Variants in C12orf56 observed in about 807,000 individuals in gnomAD.
C12orf56 encodes the protein uncharacterized protein C12orf56.
Under a neutral mutation model 69.9 loss-of-function variants are expected in C12orf56, and 71 were observed. The observed-to-expected ratio is 1.02, with a 90% CI of 0.84 to 1.24. C12orf56 has a LOEUF of 1.24. C12orf56 is among the 50% of genes most tolerant of loss of function. C12orf56 has a pLI of 0.00. For synonymous variants in C12orf56, 276 were observed against 274.1 expected, an observed-to-expected ratio of 1.01 and a Z score of -0.07; for missense variants, 732 against 738.5, an observed-to-expected ratio of 0.99 and a Z score of 0.10.
At chr12:64,379,866 A>G (rs1407851096) in intron 1 of C12orf56, among the ~76,000 whole-genome samples, 5 of 149,594 alleles carry the variant, frequency 3.3e-5, no homozygotes, top group East Asian at 4.1e-4. Context: ...GGCGGATCAC[A>G]AGGTCAGGAG....
intron 4 of C12orf56, among the ~76,000 whole-genome samples, chr12:64,313,272 AAAAAAGAAAG>A (rs199740360): frequency 3.5e-4 from 46 of 130,348 alleles, no homozygotes; most frequent in East Asian, 5.3e-4. Flanking sequence ...AAAAAAAAAA[AAAAAAGAAAG>A]AAAGAAAGAA....
chr12:64,268,697 A>C (rs945210837), intron 12 of C12orf56, among the ~76,000 whole-genome samples: 1 of 152,174 alleles, frequency 6.6e-6, no homozygotes, highest in African/African-American at 2.4e-5. Flanking sequence ...GGTAAATTTC[A>C]TACTATGTGA....
chr12:64,314,363 G>T (rs1483159247), intron 4 of C12orf56, among the ~76,000 whole-genome samples: 1 of 152,026 alleles, frequency 6.6e-6, no homozygotes, highest in Non-Finnish European at 1.5e-5. Context: ...AAAGTGCTAG[G>T]ATTACAGGCA....
intron 4 of C12orf56, among the ~76,000 whole-genome samples, chr12:64,315,890 C>T (rs889232855): frequency 6.8e-6 from 1 of 146,886 alleles, no homozygotes; most frequent in Non-Finnish European, 1.5e-5. Context: ...AAGATCGCAC[C>T]ATTGCAAGCC....
chr12:64,377,033 T>G (rs1188266823), intron 1 of C12orf56, among the ~76,000 whole-genome samples: 1 of 152,180 alleles, frequency 6.6e-6, no homozygotes, highest in Non-Finnish European at 1.5e-5. Context: ...CTGTTGTTTT[T>G]GACTTTTTAA....
At chr12:64,275,159 C>T in intron 10 of C12orf56, 139 bp downstream of exon 10, 1 of 731,686 alleles carries the variant, frequency 1.4e-6, no homozygotes, top group Non-Finnish European at 2.2e-6. Context: ...GTTTTGGAGA[C>T]CATCTCAAGT....
At chr12:64,275,433 C>T (rs536180005) in intron 9 of C12orf56, 61 bp from the exon 10 acceptor site, 2 of 779,472 alleles carry the variant, frequency 2.6e-6, no homozygotes, top group East Asian at 6.1e-5. Context: ...CGATAATTTC[C>T]CATGGTTCCC....
rs561458316 is a variant in C12orf56 at position 64,315,429 on chromosome 12, A to G, written c.895-2677T>C. Among the ~76,000 whole-genome samples, 3 of 151,918 alleles carry G rather than the reference A, an allele frequency of 2.0e-5. No individual in the cohort carries two copies. The East Asian group carries it at 5.8e-4, about 29-fold the overall frequency. ...TTTGTAGCAGCTATCTTCACAATGTATACAAGGCAAGGAATTACCACATTT... is the reference window on the plus strand; with the variant it reads ...TTTGTAGCAGCTATCTTCACAATGTGTACAAGGCAAGGAATTACCACATTT... On this transcript the variant is annotated intron_variant, in intron 4 of 12. Coordinates refer to ENST00000543942, the MANE Select transcript of C12orf56 (RefSeq NM_001170633.2).
intron 3 of C12orf56, among the ~76,000 whole-genome samples, chr12:64,330,329 C>T (rs933232497): frequency 8.5e-5 from 13 of 152,150 alleles, no homozygotes; most frequent in Non-Finnish European, 1.8e-4. Flanking sequence ...GTCCTATTTT[C>T]AATCCCATGG....
chr12:64,298,654 T>A (rs912275713), intron 6 of C12orf56, among the ~76,000 whole-genome samples: 2 of 150,078 alleles, frequency 1.3e-5, no homozygotes. Flanking sequence ...TCCCCATTGC[T>A]TGTTTGTGTC....
chr12:64,274,797 A>G (rs2038029376), intron 11 of C12orf56, 104 bp downstream of exon 11: 5 of 898,766 alleles, frequency 5.6e-6, no homozygotes, highest in Admixed American at 2.5e-5. Context: ...TGGTTGATAA[A>G]CTTGATTACA....
At chr12:64,329,594 T>C (rs1209800647) in intron 3 of C12orf56, among the ~76,000 whole-genome samples, 1 of 151,040 alleles carries the variant, frequency 6.6e-6, no homozygotes, top group Non-Finnish European at 1.5e-5. Flanking sequence ...GTTACATATG[T>C]ATACATGTGC....
At chr12:64,357,754 A>G (rs1477024776) in intron 1 of C12orf56, among the ~76,000 whole-genome samples, 1 of 152,068 alleles carries the variant, frequency 6.6e-6, no homozygotes, top group Non-Finnish European at 1.5e-5. Flanking sequence ...TGCAAACATT[A>G]GCGAGGCTTA....
At chr12:64,357,721 A>ACC (rs527454122) in intron 1 of C12orf56, among the ~76,000 whole-genome samples, 2 of 151,156 alleles carry the variant, frequency 1.3e-5, no homozygotes, top group Non-Finnish European at 2.9e-5. Flanking sequence ...ACATAGTGAG[A>ACC]CCCCCCCAAT....
At chr12:64,341,909 G>A (rs2039079882) in intron 2 of C12orf56, among the ~76,000 whole-genome samples, 1 of 152,140 alleles carries the variant, frequency 6.6e-6, no homozygotes, top group East Asian at 1.9e-4. Flanking sequence ...CTGAGCCCAT[G>A]CATAACCTCC....
Position 64,266,236 on chromosome 12 carries a change from T to C in C12orf56, c.*947A>G, listed in dbSNP as rs12309193. The C allele has an allele frequency of 0.22, 34,240 of 152,252 alleles. 4,150 individuals carry two copies. The highest frequency in any genetic ancestry group is 0.49 in the East Asian group (2,550 of 5,156). 9.4% of individuals were successfully genotyped at this position (152,252 alleles called of 1,614,324 possible). ...GTGGCTTCACACCACTCACCATTATTACACCAGTGAAACTCACCAGATTAT... is the reference window on the plus strand; with the variant it reads ...GTGGCTTCACACCACTCACCATTATCACACCAGTGAAACTCACCAGATTAT... On this transcript the variant is annotated 3_prime_UTR_variant, in exon 13 of 13. Coordinates refer to ENST00000543942, the MANE Select transcript of C12orf56 (RefSeq NM_001170633.2).
intron 1 of C12orf56, among the ~76,000 whole-genome samples, chr12:64,373,551 A>G (rs1423051732): frequency 6.6e-6 from 1 of 152,246 alleles, no homozygotes; most frequent in Non-Finnish European, 1.5e-5. Flanking sequence ...AAATCAGTGT[A>G]AGACCCAGCA....
chr12:64,309,569 G>A (rs1172679263), intron 5 of C12orf56, among the ~76,000 whole-genome samples: 1 of 152,100 alleles, frequency 6.6e-6, no homozygotes, highest in East Asian at 1.9e-4. Context: ...GTGGTGCAGT[G>A]GTGCCATCTC....
chr12:64,293,401 CT>C (rs2038322216), intron 6 of C12orf56: 1 of 152,642 alleles, frequency 6.6e-6, no homozygotes, highest in Non-Finnish European at 1.5e-5. Context: ...CAAACTGACC[CT>C]GGAGTTATAT....
Sources: allele counts gnomAD v4.1 joint callset (sites outside exome capture counted in the v4.1 genomes callset), GRCh38; gene constraint gnomAD v4.1.1; transcripts MANE v1.5; gene names NCBI Gene and HGNC (gene_info 2026-07-23, HGNC 2026-07-21).